Variants in NRXN1 observed in about 807,000 individuals in gnomAD.
The protein encoded by NRXN1 is neurexin 1.
Under a neutral mutation model 150.9 loss-of-function variants are expected in NRXN1, and 39 were observed. The ratio of observed to expected loss-of-function variants is 0.26; its 90% confidence interval spans 0.20 to 0.34. The LOEUF is 0.34. Among genes scored for constraint, NRXN1 ranks in the 10% least tolerant of loss-of-function variants. NRXN1 has a pLI of 1.00. For synonymous variants in NRXN1, 924 were observed against 757.0 expected (o/e 1.22, Z -3.62); for missense variants, 1,815 against 1,949.9 (o/e 0.93, Z 1.30).
intron 17 of NRXN1, among the ~76,000 whole-genome samples, chr2:50,384,303 G>A (rs1465394460): frequency 1.3e-5 from 2 of 151,924 alleles, no homozygotes; most frequent in Non-Finnish European, 1.5e-5. Context: ...TCAGGAGATT[G>A]AGACTATCCT....
intron 5 of NRXN1, among the ~76,000 whole-genome samples, chr2:50,720,880 T>G (rs1348700025): frequency 1.3e-5 from 2 of 152,144 alleles, no homozygotes; most frequent in East Asian, 1.9e-4. Context: ...GCCAATTAGA[T>G]GAACAGCTTG....
chr2:50,590,894 A>AC (rs1236730678), intron 8 of NRXN1, among the ~76,000 whole-genome samples: 3 of 152,000 alleles, frequency 2.0e-5, no homozygotes, highest in Admixed American at 1.3e-4. Context: ...ATCTCAACAT[A>AC]CTCTAAATAC....
At chr2:50,596,863 C>CAT (rs35104444) in intron 8 of NRXN1, among the ~76,000 whole-genome samples, 1 of 92,152 alleles carries the variant, frequency 1.1e-5, no homozygotes, top group Non-Finnish European at 2.0e-5. Flanking sequence ...ATTCCTAGGA[C>CAT]TTTTTTTTTT....
intron 17 of NRXN1, among the ~76,000 whole-genome samples, chr2:50,331,891 TA>T (rs1244330147): frequency 1.2e-4 from 18 of 152,316 alleles, no homozygotes; most frequent in African/African-American, 3.8e-4. Context: ...GTCTACATTA[TA>T]ATCTCTTAAA....
intron 8 of NRXN1, among the ~76,000 whole-genome samples, chr2:50,599,978 G>GATTGCTTATATTAGAAATTA: frequency 6.6e-6 from 1 of 152,064 alleles, no homozygotes; most frequent in Non-Finnish European, 1.5e-5. Context: ...AAAGCAAATT[G>GATTGCTTATATTAGAAATTA]ATTGCTTATA....
At chr2:49,995,532 A>G (rs1429419699) in intron 21 of NRXN1, among the ~76,000 whole-genome samples, 1 of 152,108 alleles carries the variant, frequency 6.6e-6, no homozygotes, top group African/African-American at 2.4e-5. Context: ...CTCTAATCCC[A>G]GCACTTTGGG....
At chr2:50,383,465 A>C (rs2081112472) in intron 17 of NRXN1, among the ~76,000 whole-genome samples, 1 of 152,190 alleles carries the variant, frequency 6.6e-6, no homozygotes, top group Non-Finnish European at 1.5e-5. Flanking sequence ...AATTCTTTTA[A>C]AGTTTTATTT....
chr2:50,411,262 G>A (rs13393635), intron 17 of NRXN1, among the ~76,000 whole-genome samples: 20,641 of 152,150 alleles, frequency 0.14, 2,182 homozygotes, highest in East Asian at 0.38. Context: ...TCCTGATGGC[G>A]AGTGATCTGC....
chr2:50,198,594 T>C (rs1043283463), intron 18 of NRXN1, among the ~76,000 whole-genome samples: 5 of 152,132 alleles, frequency 3.3e-5, no homozygotes, highest in Non-Finnish European at 7.3e-5. Flanking sequence ...ATACAAATTG[T>C]TTTTTAAGTG....
At chr2:49,924,236 A>G (rs989330539) in intron 22 of NRXN1, among the ~76,000 whole-genome samples, 1 of 152,180 alleles carries the variant, frequency 6.6e-6, no homozygotes, top group East Asian at 1.9e-4. Context: ...TTCCAGCCTG[A>G]TGGAATGCTT....
At chr2:51,006,164 G>C (rs568538238) in intron 2 of NRXN1, among the ~76,000 whole-genome samples, 1 of 151,634 alleles carries the variant, frequency 6.6e-6, no homozygotes, top group Non-Finnish European at 1.5e-5. Context: ...ACGTGGGTCC[G>C]CAGCTATTTA....
intron 17 of NRXN1, among the ~76,000 whole-genome samples, chr2:50,280,387 C>T (rs1247541171): frequency 6.6e-6 from 1 of 151,528 alleles, no homozygotes; most frequent in East Asian, 1.9e-4. Context: ...AATGGGATTT[C>T]AAGTTGAAAA....
At chr2:50,887,739 A>G (rs1680468766) in intron 5 of NRXN1, among the ~76,000 whole-genome samples, 1 of 151,368 alleles carries the variant, frequency 6.6e-6, no homozygotes, top group Admixed American at 6.6e-5. Flanking sequence ...TTCATTCATT[A>G]AATTCATGTT....
intron 5 of NRXN1, among the ~76,000 whole-genome samples, chr2:50,749,078 C>G (rs960749934): frequency 1.3e-5 from 2 of 152,052 alleles, no homozygotes; most frequent in African/African-American, 4.8e-5. Context: ...CTCAGATTTT[C>G]TTTTACACAT....
chr2:50,500,843 C>T (rs997119384), intron 13 of NRXN1, among the ~76,000 whole-genome samples: 1 of 152,116 alleles, frequency 6.6e-6, no homozygotes, highest in Non-Finnish European at 1.5e-5. Flanking sequence ...AGCAAAATAA[C>T]CCTCCCTTAC....
intron 21 of NRXN1, among the ~76,000 whole-genome samples, chr2:50,009,502 CA>C (rs1268272231): frequency 5.9e-5 from 9 of 152,128 alleles, no homozygotes; most frequent in Admixed American, 5.9e-4. Flanking sequence ...AAGCTGTCCT[CA>C]GTGGCTTTCA....
At chr2:49,955,372 CT>C (rs1303449141) in intron 21 of NRXN1, among the ~76,000 whole-genome samples, 1 of 152,102 alleles carries the variant, frequency 6.6e-6, no homozygotes, top group Non-Finnish European at 1.5e-5. Flanking sequence ...AACTTTCTAA[CT>C]GGCTTCCACA....
intron 17 of NRXN1, among the ~76,000 whole-genome samples, chr2:50,330,089 G>A (rs1026171112): frequency 1.3e-5 from 2 of 151,928 alleles, no homozygotes; most frequent in South Asian, 4.2e-4. Flanking sequence ...ATTATAGAAG[G>A]AAATTAATAT....
At chr2:50,863,405 T>C (rs1451839192) in intron 5 of NRXN1, among the ~76,000 whole-genome samples, 1 of 151,934 alleles carries the variant, frequency 6.6e-6, no homozygotes, top group East Asian at 1.9e-4. Context: ...ATCAGCTGAG[T>C]GGGTTTGTGT....
Sources: allele counts gnomAD v4.1 joint callset (sites outside exome capture counted in the v4.1 genomes callset), GRCh38; gene constraint gnomAD v4.1.1; transcripts MANE v1.5; gene names NCBI Gene and HGNC (gene_info 2026-07-23, HGNC 2026-07-21).